Variants in PKNOX2 observed in about 807,000 individuals in gnomAD.
PKNOX2 encodes the protein homeobox protein PKNOX2.
In PKNOX2, 14 loss-of-function variants were observed where a neutral mutation model predicts 53.1. The observed-to-expected ratio is 0.26, with a 90% CI of 0.17 to 0.41. The LOEUF is 0.41. Ranked by LOEUF, PKNOX2 falls within the 10% of genes least tolerant of loss-of-function variation. The pLI is 1.00. For synonymous variants in PKNOX2, 257 were observed against 242.8 expected, an observed-to-expected ratio of 1.06 and a Z score of -0.54; for missense variants, 496 against 602.8, an observed-to-expected ratio of 0.82 and a Z score of 1.85.
intron 1 of PKNOX2, among the ~76,000 whole-genome samples, chr11:125,172,898 G>C (rs1014183550): frequency 4.6e-5 from 7 of 152,174 alleles, no homozygotes; most frequent in African/African-American, 1.4e-4. Context: ...GATGTTCCTA[G>C]CGATAGGGGA....
At chr11:125,314,209 C>T (rs1233428171) in intron 2 of PKNOX2, among the ~76,000 whole-genome samples, 3 of 152,126 alleles carry the variant, frequency 2.0e-5, no homozygotes, top group Non-Finnish European at 4.4e-5. Flanking sequence ...GTGTCATGGT[C>T]AGCTCGTCGT....
chr11:125,414,756 A>G lies in PKNOX2; in HGVS notation c.936+2891A>G, dbSNP rs577027495. On this transcript the variant is annotated intron_variant, in intron 10 of 12. Coordinates refer to ENST00000298282, the MANE Select transcript of PKNOX2 (RefSeq NM_001382323.2). ...TGATTCTATTTCTTTGAAAAAAAAA[A>G]AAAGAAGCTAATACTTATTTCCCAT... 3.9e-5 allele frequency among the ~76,000 whole-genome samples: 6 copies of G among 152,308 alleles called. No homozygotes were observed. The East Asian group carries it at 1.2e-3, about 29-fold the overall frequency.
chr11:125,194,302 C>A (rs547496917), intron 1 of PKNOX2, among the ~76,000 whole-genome samples: 1 of 152,190 alleles, frequency 6.6e-6, no homozygotes, highest in Non-Finnish European at 1.5e-5. Flanking sequence ...GCTCCCATTG[C>A]GGCCTTTCTT....
chr11:125,428,412 C>T (rs1480946214), intron 10 of PKNOX2, among the ~76,000 whole-genome samples: 1 of 152,076 alleles, frequency 6.6e-6, no homozygotes, highest in African/African-American at 2.4e-5. Flanking sequence ...ACCTGCCTGC[C>T]TTTCAGAGTT....
chr11:125,414,645 CTAGGCACGG>C (rs1337329801), intron 10 of PKNOX2, among the ~76,000 whole-genome samples: 3 of 152,092 alleles, frequency 2.0e-5, no homozygotes, highest in South Asian at 2.1e-4. Context: ...CTCTTCATAA[CTAGGCACGG>C]TAGAAAGAAG....
At chr11:125,264,826 G>A (rs377172051) in intron 2 of PKNOX2, among the ~76,000 whole-genome samples, 4 of 152,082 alleles carry the variant, frequency 2.6e-5, no homozygotes, top group Admixed American at 6.5e-5. Flanking sequence ...TCGAGAAGGC[G>A]GCCGATTTTA....
In PKNOX2 at chr11:125,375,327, T is replaced by A. The variant is rs538926126; in HGVS notation, c.227+7342T>A. Among the ~76,000 whole-genome samples, 6 of 152,210 alleles carry A rather than the reference T, an allele frequency of 3.9e-5. No homozygotes were observed. The East Asian group carries it at 1.2e-3, about 29-fold the overall frequency. On this transcript the variant is annotated intron_variant, in intron 5 of 12. Coordinates refer to ENST00000298282, the MANE Select transcript of PKNOX2 (RefSeq NM_001382323.2). ...CAGAGATTCTCTCATACAGCAACAG[T>A]CTCGTGGCTCCCAGGGTAATCCTGG...
chr11:125,365,936 G>T (rs1361823075), intron 4 of PKNOX2, among the ~76,000 whole-genome samples: 5 of 152,220 alleles, frequency 3.3e-5, no homozygotes, highest in Non-Finnish European at 2.9e-5. Flanking sequence ...CTGGTACATG[G>T]CAGGGACTCA....
At chr11:125,305,202 G>T (rs1404617809) in intron 2 of PKNOX2, among the ~76,000 whole-genome samples, 3 of 152,186 alleles carry the variant, frequency 2.0e-5, no homozygotes, top group African/African-American at 7.2e-5. Flanking sequence ...GAGCTCTTAA[G>T]AGATTGCCAC....
At chr11:125,353,710 T>C (rs181902365) in intron 4 of PKNOX2, among the ~76,000 whole-genome samples, 8 of 152,356 alleles carry the variant, frequency 5.3e-5, no homozygotes, top group Admixed American at 5.2e-4. Flanking sequence ...GAAGCTGCCA[T>C]CTATTTGTAA....
At chr11:125,416,392 A>G (rs1439224721) in intron 10 of PKNOX2, among the ~76,000 whole-genome samples, 1 of 145,640 alleles carries the variant, frequency 6.9e-6, no homozygotes, top group East Asian at 2.0e-4. Flanking sequence ...CCAGATTTTT[A>G]TTATGTATTC....
chr11:125,173,207 C>T (rs562590245), intron 1 of PKNOX2, among the ~76,000 whole-genome samples: 1 of 152,330 alleles, frequency 6.6e-6, no homozygotes, highest in African/African-American at 2.4e-5. Flanking sequence ...ATGGCAAGCT[C>T]ATGTTGAATA....
At chr11:125,332,137 T>G (rs1391894443) in intron 3 of PKNOX2, among the ~76,000 whole-genome samples, 1 of 152,220 alleles carries the variant, frequency 6.6e-6, no homozygotes, top group East Asian at 1.9e-4. Flanking sequence ...CTGTCTCTTT[T>G]CATCTATTCT....
At chr11:125,376,281 C>T (rs1049746797) in intron 5 of PKNOX2, among the ~76,000 whole-genome samples, 1 of 152,204 alleles carries the variant, frequency 6.6e-6, no homozygotes, top group South Asian at 2.1e-4. Flanking sequence ...GCAACCCAGG[C>T]GAACACACCG....
intron 10 of PKNOX2, among the ~76,000 whole-genome samples, chr11:125,425,661 T>G (rs1371635159): frequency 6.6e-6 from 1 of 152,128 alleles, no homozygotes; most frequent in East Asian, 1.9e-4. Context: ...CTCATTTGAT[T>G]CTTCTTCCCC....
chr11:125,363,064 C>T (rs1559800), intron 4 of PKNOX2, among the ~76,000 whole-genome samples: 100,747 of 152,098 alleles, frequency 0.66, 34,488 homozygotes, highest in African/African-American at 0.82. Flanking sequence ...AGTCCAGTGG[C>T]TATAGCATCT....
chr11:125,396,583 A>T (rs917349789), intron 6 of PKNOX2, among the ~76,000 whole-genome samples: 3 of 125,018 alleles, frequency 2.4e-5, no homozygotes, highest in African/African-American at 3.7e-5. Flanking sequence ...AAACTTTTAA[A>T]AAAAAAAAAA....
intron 2 of PKNOX2, among the ~76,000 whole-genome samples, chr11:125,322,888 T>C (rs572536503): frequency 6.6e-6 from 1 of 152,202 alleles, no homozygotes; most frequent in East Asian, 1.9e-4. Flanking sequence ...CCTCACAAAG[T>C]TACAGTGAAG....
At chr11:125,180,407 G>A (rs191213101) in intron 1 of PKNOX2, among the ~76,000 whole-genome samples, 263 of 152,336 alleles carry the variant, frequency 1.7e-3, no homozygotes, top group Non-Finnish European at 3.3e-3. Context: ...GGGGAGAGCT[G>A]TTTGTTGGTG....
Sources: gnomAD v4.1 joint callset for allele counts (sites outside exome capture counted in the v4.1 genomes callset) on GRCh38, gnomAD v4.1.1 for gene constraint, MANE v1.5 for transcripts, NCBI Gene and HGNC (gene_info 2026-07-23, HGNC 2026-07-21) for gene names.